BSN: variants seen among roughly 807,000 people sequenced by gnomAD.
BSN encodes the protein bassoon presynaptic cytomatrix protein, also known as protein bassoon.
In BSN, 57 loss-of-function variants were observed where a neutral mutation model predicts 264.8. The observed-to-expected ratio is 0.22, with a 90% CI of 0.17 to 0.27. The LOEUF (loss-of-function observed/expected upper bound fraction) is 0.27. BSN is among the 10% of genes least tolerant of loss of function. The pLI, the probability that BSN is intolerant of heterozygous loss-of-function variation, is 1.00. For synonymous variants in BSN, 2,059 were observed against 2,137.3 expected, an observed-to-expected ratio of 0.96 and a Z score of 1.01; for missense variants, 4,615 against 5,232.5, an observed-to-expected ratio of 0.88 and a Z score of 3.64.
intron 1 of BSN, among the ~76,000 whole-genome samples, chr3:49,606,118 CGTATATATTAT>C (rs2052137851): frequency 5.2e-4 from 4 of 7,736 alleles, no homozygotes; most frequent in African/African-American, 2.1e-3. Flanking sequence ...ATAATATATA[CGTATATATTAT>C]ATATACATAT....
At chr3:49,636,991 G>C (rs758229947) in intron 2 of BSN, among the ~76,000 whole-genome samples, 1 of 152,232 alleles carries the variant, frequency 6.6e-6, no homozygotes, top group Non-Finnish European at 1.5e-5. Flanking sequence ...AGCCCAGAAA[G>C]GCATATAGTC....
chr3:49,645,097 C>G (rs1433148365), intron 3 of BSN, among the ~76,000 whole-genome samples: 1 of 152,140 alleles, frequency 6.6e-6, no homozygotes, highest in Non-Finnish European at 1.5e-5. Flanking sequence ...CCCCACTGCC[C>G]CCTCCTTAGC....
chr3:49,655,859 G>T lies in BSN; in HGVS notation c.6303G>T (p.Met2101Ile), dbSNP rs746917869. Residue 2101 changes from methionine (M) to isoleucine (I), a missense_variant, in exon 5 of 12, where the codon ATG (methionine) becomes ATT (isoleucine). Physicochemically the swap from Met to Ile is conservative, Grantham distance 10 (BLOSUM62 1). Transcript: ENST00000296452. Reference protein sequence around the residue: ...SATTAREISRMCAALNSMDQY... With the variant: ...SATTAREISRICAALNSMDQY... ...CCACAGCCCGTGAAATCAGTCGCAT[G>T]TGCGCTGCCCTCAACTCCATGGACC... is the stretch of plus-strand genomic sequence containing the variant. 3 of 1,613,278 alleles carry T rather than the reference G, an allele frequency of 1.9e-6. No homozygotes were observed. The highest frequency in any genetic ancestry group is 2.5e-6 in the Non-Finnish European group (3 of 1,180,016).
Position 49,654,118 on chromosome 3 carries a change from C to G in BSN, c.4562C>G (p.Pro1521Arg). Residue 1521 changes from proline to arginine, a missense_variant, in exon 5 of 12, where the codon CCT becomes CGT. Coordinates refer to ENST00000296452, the MANE Select transcript of BSN (RefSeq NM_003458.4). This position sits in a 1 kb window ranked among gnomAD's most constrained non-coding sequence, Gnocchi z 4.1. Reference sequence around the variant, plus strand: ...CCTGCCTCAGACATGCCACGGAGCCCTGGTGCCCCCACTCCATCACCTATG... The same window carrying G: ...CCTGCCTCAGACATGCCACGGAGCCGTGGTGCCCCCACTCCATCACCTATG... Reference protein sequence around the residue: ...PAPASDMPRSPGAPTPSPMVA... With the variant: ...PAPASDMPRSRGAPTPSPMVA... 3 of 1,614,082 alleles carry G rather than the reference C, an allele frequency of 1.9e-6. No individual in the cohort carries two copies. The highest frequency in any genetic ancestry group is 2.5e-6 in the Non-Finnish European group (3 of 1,180,026).
At position 49,643,023 on chromosome 3, in the gene BSN, C is replaced by T; in HGVS notation, c.1389C>T (p.Ala463=). ...CAAAGACCATGCCGAAGGAAAGGGC[C>T]ATCTGCCCACTGTGCCAAGCCGAGC... is the stretch of plus-strand genomic sequence containing the variant. ...AKPKTMPKER[A]ICPLCQAELN... is the part of the protein sequence containing the mutation. Residue 463 remains alanine (A), a synonymous_variant, in exon 3 of 12, where the codon GCC becomes GCT. Transcript: ENST00000296452. 1 of 1,614,116 alleles carries T rather than the reference C, an allele frequency of 6.2e-7. No homozygotes were observed. The highest frequency in any genetic ancestry group is 2.2e-5 in the East Asian group (1 of 44,888).
chr3:49,603,704 A>G (rs537666620), intron 1 of BSN, among the ~76,000 whole-genome samples: 79 of 152,208 alleles, frequency 5.2e-4, no homozygotes, highest in Non-Finnish European at 7.8e-4. Context: ...AATTCACATC[A>G]TATAAAATTA....
At chr3:49,645,608 C>T (rs2052499065) in intron 3 of BSN, among the ~76,000 whole-genome samples, 1 of 152,190 alleles carries the variant, frequency 6.6e-6, no homozygotes, top group Non-Finnish European at 1.5e-5. Context: ...TTGGGTCTTG[C>T]AAGGGGCTGG....
chr3:49,596,520 G>A (rs2052024233), intron 1 of BSN, among the ~76,000 whole-genome samples: 1 of 152,124 alleles, frequency 6.6e-6, no homozygotes, highest in Non-Finnish European at 1.5e-5. Flanking sequence ...AAAAGTTTTT[G>A]TAATTTTAAT....
Position 49,642,765 on chromosome 3 carries a change from T to A in BSN, c.1131T>A (p.Pro377=), listed in dbSNP as rs201610378. The change falls in exon 3 of 12, where the codon CCT becomes CCA. Residue 377 remains proline, a synonymous_variant. Transcript: ENST00000296452. The surrounding 1 kb of genome is among the most constrained non-coding windows in gnomAD (Gnocchi z 7.0). ...CCGAGGCTGACACCCAGGGCCAGCC[T>A]GCCCCCAGCAAGGGGACACCTAAGA... ...VQPEADTQGQ[P]APSKGTPKIV... is the part of the protein sequence containing the mutation. The A allele has an allele frequency of 2.5e-4, 401 of 1,613,352 alleles. 3 individuals carry two copies. In the East Asian group the frequency reaches 7.2e-3, roughly 29 times the overall value.
chr3:49,657,396 A>G lies in BSN; in HGVS notation c.7840A>G (p.Thr2614Ala). The change falls in exon 5 of 12, where the codon ACG (threonine) becomes GCG (alanine). Residue 2614 changes from threonine (T) to alanine (A), a missense_variant. By Grantham distance (58) the Thr-to-Ala change is moderately conservative. Around this residue, in one of 3 missense-constraint regions of BSN, gnomAD observed 3,415 missense variants for 3,866.4 expected, o/e 0.88. Transcript: ENST00000296452. ...ARRSADCSVQ[T>A]DDEDSAEWEQ... is the part of the protein sequence containing the mutation. The stretch of plus-strand genomic sequence containing the variant: ...GCGGAGTGCTGACTGCAGTGTGCAG[A>G]CGGACGACGAAGACAGTGCTGAGTG... The G allele has an allele frequency of 6.2e-7, 1 of 1,613,200 alleles. No homozygotes were observed. The highest frequency in any genetic ancestry group is 8.5e-7 in the Non-Finnish European group (1 of 1,180,024).
chr3:49,624,886 G>A, intron 1 of BSN, 89 bp from the exon 2 acceptor site: 1 of 1,284,334 alleles, frequency 7.8e-7, no homozygotes, highest in South Asian at 1.6e-5. Context: ...TGGTGATGGG[G>A]CTTGGCAGGG....
At chr3:49,589,424 T>C (rs532643703) in intron 1 of BSN, among the ~76,000 whole-genome samples, 1 of 152,234 alleles carries the variant, frequency 6.6e-6, no homozygotes, top group African/African-American at 2.4e-5. Context: ...GGTCTATGTA[T>C]GTGTATATGT....
intron 3 of BSN, 74 bp downstream of exon 3, chr3:49,643,226 C>T: frequency 2.6e-6 from 4 of 1,516,356 alleles, no homozygotes; most frequent in Non-Finnish European, 3.5e-6. Flanking sequence ...GTCATGGGAA[C>T]CAGAAAGAGT....
chr3:49,650,801 GCCAAGGCCAGCCCTCTAT>G lies in BSN; in HGVS notation c.1712_1729del (p.Lys571_Ser576del). Reference sequence around the variant, plus strand: ...GGGCCAGCCTTCAGGCCCCCTGCCTGCCAAGGCCAGCCCTCTATCCACCAAGGCCAGCCCTCTGCCCAG... The same window carrying G: ...GGGCCAGCCTTCAGGCCCCCTGCCTGCCACCAAGGCCAGCCCTCTGCCCAG... On this transcript the variant is annotated inframe_deletion, in exon 4 of 12. Transcript: ENST00000296452. 6.2e-7 allele frequency: 1 copy of G among 1,613,912 alleles called. No individual in the cohort carries two copies. Among genetic ancestry groups the G allele is most frequent in the Non-Finnish European group, 8.5e-7 (1 of 1,179,942 alleles).
intron 6 of BSN, 70 bp from the exon 7 acceptor site, chr3:49,662,806 A>G: frequency 6.6e-7 from 1 of 1,505,684 alleles, no homozygotes; most frequent in Non-Finnish European, 8.9e-7. Context: ...GTTTCTTTGC[A>G]TGGCTTCAGC....
chr3:49,587,893 T>TTTTC (rs2051948102), intron 1 of BSN, among the ~76,000 whole-genome samples: 1 of 125,618 alleles, frequency 8.0e-6, no homozygotes, highest in Non-Finnish European at 1.6e-5. Context: ...GGGGTTTTTC[T>TTTTC]TTTCTTTTCT....
rs773792243 is a variant in BSN, at chr3:49,654,722, G to T, written c.5166G>T (p.Glu1722Asp). 5.6e-6 allele frequency: 9 copies of T among 1,613,690 alleles called. No individual in the cohort carries two copies. Among genetic ancestry groups the T allele is most frequent in the Non-Finnish European group, 5.1e-6 (6 of 1,180,018 alleles). ...QPLVINLNAQ[E>D]HTFLATATTV... ...TGGTTATCAACCTCAATGCCCAGGA[G>T]CATACCTTCCTTGCTACTGCCACCA... The change falls in exon 5 of 12, where the codon GAG becomes GAT. Residue 1722 changes from glutamate to aspartate, a missense_variant. Glu to Asp is a conservative substitution (Grantham distance 45). This residue lies in a region of BSN where 3,415 missense variants were observed against 3,866.4 expected (regional missense o/e 0.88). Transcript: ENST00000296452. This position sits in a 1 kb window ranked among gnomAD's most constrained non-coding sequence, Gnocchi z 4.1.
At chr3:49,605,466 TA>T in intron 1 of BSN, among the ~76,000 whole-genome samples, 1 of 14,974 alleles carries the variant, frequency 6.7e-5, no homozygotes, top group Non-Finnish European at 1.0e-4. Flanking sequence ...ATATATTATA[TA>T]TAATATATAT....
chr3:49,580,978 C>CTTT (rs71080537), intron 1 of BSN, among the ~76,000 whole-genome samples: 6 of 143,866 alleles, frequency 4.2e-5, no homozygotes, highest in African/African-American at 1.0e-4. Context: ...CGCCTGTTAA[C>CTTT]TTTTTTTTTT....
Sources: gnomAD v4.1 joint callset for allele counts (sites outside exome capture counted in the v4.1 genomes callset) on GRCh38, gnomAD v4.1.1 for gene constraint, gnomAD v4.1.1 regional missense constraint, Gnocchi (gnomAD v3.1) non-coding constraint, MANE v1.5 for transcripts, NCBI Gene and HGNC (gene_info 2026-07-23, HGNC 2026-07-21) for gene names.